Variants in HIGD1C observed in about 807,000 individuals in gnomAD.
The protein encoded by HIGD1C is HIG1 hypoxia inducible domain family member 1C.
Under a neutral mutation model 13.1 loss-of-function variants are expected in HIGD1C, and 11 were observed. The observed-to-expected ratio is 0.84, with a 90% CI of 0.53 to 1.39. The LOEUF (loss-of-function observed/expected upper bound fraction) is 1.39, where lower values mean the gene tolerates loss of function less well. HIGD1C is among the 40% of genes most tolerant of loss of function. The probability of loss-of-function intolerance (pLI) is 0.00; values close to 1 mark genes in which losing one functional copy is unlikely to be tolerated. For synonymous variants in HIGD1C, 36 were observed against 37.7 expected, an observed-to-expected ratio of 0.95 and a Z score of 0.17; for missense variants, 110 against 112.0, an observed-to-expected ratio of 0.98 and a Z score of 0.08.
intron 2 of HIGD1C, among the ~76,000 whole-genome samples, chr12:50,962,676 A>C (rs67654320): frequency 6.6e-6 from 1 of 152,056 alleles, no homozygotes; most frequent in Admixed American, 6.5e-5. Context: ...TAGCCTGGGC[A>C]TCAGAGCAAG....
At chr12:50,947,083 T>C in the HIGD1C span, among the ~76,000 whole-genome samples, 3 of 152,174 alleles carry the variant, frequency 2.0e-5, no homozygotes, top group Non-Finnish European at 2.9e-5. Context: ...TTCACCAGTA[T>C]TCCTTCCCTA....
chr12:50,962,890 T>C (rs12809563), intron 2 of HIGD1C, among the ~76,000 whole-genome samples: 29,439 of 151,990 alleles, frequency 0.19, 2,993 homozygotes, highest in South Asian at 0.27. Context: ...CACAGAAGCA[T>C]GGCATGTAAG....
At chr12:50,964,397 C>T (rs1206874495) in intron 2 of HIGD1C, among the ~76,000 whole-genome samples, 3 of 152,228 alleles carry the variant, frequency 2.0e-5, no homozygotes. Context: ...GGCATCCTGC[C>T]TGTGTTGGAT....
chr12:50,968,738 C>T (rs1211577143), intron 2 of HIGD1C, among the ~76,000 whole-genome samples: 5 of 151,884 alleles, frequency 3.3e-5, no homozygotes, highest in South Asian at 2.1e-4. Flanking sequence ...GATGGGGTTT[C>T]GCCATGTTGG....
At chr12:50,935,524 T>C in the HIGD1C span, 1 of 152,258 alleles carries the variant, frequency 6.6e-6, no homozygotes. Context: ...GGTCTCCCTC[T>C]GTGGCCCAGG....
chr12:50,941,078 TG>T, the HIGD1C span, among the ~76,000 whole-genome samples: 1 of 152,204 alleles, frequency 6.6e-6, no homozygotes, highest in Non-Finnish European at 1.5e-5. Flanking sequence ...TTGCCCAGGC[TG>T]GGCTTGCACT....
At chr12:50,938,909 C>T in the HIGD1C span, among the ~76,000 whole-genome samples, 1 of 152,166 alleles carries the variant, frequency 6.6e-6, no homozygotes, top group Non-Finnish European at 1.5e-5. Flanking sequence ...CTCAATCTTC[C>T]TTGCCCTTCT....
the HIGD1C span, among the ~76,000 whole-genome samples, chr12:50,933,005 G>A: frequency 1.3e-5 from 2 of 152,180 alleles, no homozygotes; most frequent in Admixed American, 6.5e-5. Flanking sequence ...ATGATGAAAT[G>A]TCATTACACT....
chr12:50,939,196 A>G, the HIGD1C span, among the ~76,000 whole-genome samples: 1 of 152,166 alleles, frequency 6.6e-6, no homozygotes, highest in Non-Finnish European at 1.5e-5. Flanking sequence ...CACCCAGGGT[A>G]GAATGCAGTG....
chr12:50,941,610 C>A, the HIGD1C span, among the ~76,000 whole-genome samples: 2 of 152,152 alleles, frequency 1.3e-5, no homozygotes, highest in Admixed American at 6.5e-5. Context: ...AATGCTCCTA[C>A]AAATAAACGT....
At position 50,962,275 on chromosome 12, in the gene HIGD1C, G is replaced by A. The variant is rs531642139; in HGVS notation, c.229+1173G>A. ...CACACACAAAATAGCTGGGTGTGGTGGCACATGCCTGTAATCCCAGCTACT... is the reference window on the plus strand; with the variant it reads ...CACACACAAAATAGCTGGGTGTGGTAGCACATGCCTGTAATCCCAGCTACT... On this transcript the variant is annotated intron_variant, in intron 2 of 2. Transcript: ENST00000398455. 1.8e-4 allele frequency among the ~76,000 whole-genome samples: 27 copies of A among 151,578 alleles called. No homozygotes were observed. The East Asian group carries it at 5.1e-3, about 28-fold the overall frequency.
upstream of HIGD1C, among the ~76,000 whole-genome samples, chr12:50,952,549 C>T (rs1222021933): frequency 6.6e-6 from 1 of 152,162 alleles, no homozygotes. Context: ...CGTCCACCAC[C>T]GACCCACCTC....
the HIGD1C span, among the ~76,000 whole-genome samples, chr12:50,947,565 A>C: frequency 6.6e-6 from 1 of 152,156 alleles, no homozygotes; most frequent in Admixed American, 6.6e-5. Flanking sequence ...AGTCCAGGAC[A>C]ATCTCTCAAC....
intron 1 of HIGD1C, 119 bp from the exon 4 acceptor site, chr12:50,960,849 A>ATTT: frequency 5.4e-5 from 35 of 653,586 alleles, no homozygotes; most frequent in South Asian, 1.4e-4. Context: ...TGTGTGGCTA[A>ATTT]TTTTTTTTTT....
chr12:50,942,287 G>A, the HIGD1C span, among the ~76,000 whole-genome samples: 14 of 152,216 alleles, frequency 9.2e-5, no homozygotes, highest in African/African-American at 3.1e-4. Flanking sequence ...TTAGTGAATG[G>A]CAAAACCATT....
chr12:50,941,642 T>C, the HIGD1C span, among the ~76,000 whole-genome samples: 1 of 152,108 alleles, frequency 6.6e-6, no homozygotes, highest in East Asian at 1.9e-4. Context: ...AGGAAACAGA[T>C]AAAACAAACA....
At chr12:50,947,202 C>T in the HIGD1C span, among the ~76,000 whole-genome samples, 5 of 152,172 alleles carry the variant, frequency 3.3e-5, no homozygotes, top group African/African-American at 1.2e-4. Context: ...AAATGTTGGG[C>T]ACCTGTCACT....
the HIGD1C span, among the ~76,000 whole-genome samples, chr12:50,939,554 G>C: frequency 1.3e-5 from 2 of 152,284 alleles, no homozygotes; most frequent in South Asian, 4.1e-4. Context: ...AGGGCTGTCA[G>C]TGCTGCCTCG....
At chr12:50,934,562 T>C in the HIGD1C span, among the ~76,000 whole-genome samples, 1 of 152,232 alleles carries the variant, frequency 6.6e-6, no homozygotes, top group African/African-American at 2.4e-5. Context: ...CATACAATGA[T>C]GATAAATGTT....
Sources: allele counts gnomAD v4.1 joint callset (sites outside exome capture counted in the v4.1 genomes callset), GRCh38; gene constraint gnomAD v4.1.1; transcripts MANE v1.5; gene names NCBI Gene and HGNC (gene_info 2026-07-23, HGNC 2026-07-21).